Variants in NXN observed in about 807,000 individuals in gnomAD.
NXN encodes the protein nucleoredoxin 1.
NXN carries 16 observed loss-of-function variants against 48.6 expected under a neutral mutation model. That is an observed-to-expected ratio of 0.33 (90% CI 0.22 to 0.50). The LOEUF is 0.50. Among genes scored for constraint, NXN ranks in the 20% least tolerant of loss-of-function variants. The probability of loss-of-function intolerance (pLI) is 0.98; values close to 1 mark genes in which losing one functional copy is unlikely to be tolerated. For missense variants in NXN, 492 were observed against 605.5 expected (o/e 0.81, Z 1.97); for synonymous variants, 281 against 269.6 (o/e 1.04, Z -0.41).
intron 1 of NXN, among the ~76,000 whole-genome samples, chr17:832,430 C>T (rs976872583): frequency 1.3e-5 from 2 of 151,890 alleles, no homozygotes; most frequent in African/African-American, 4.8e-5. Flanking sequence ...TCGTGTCCGC[C>T]CGCCTTGGCC....
chr17:823,234 A>G (rs1912911985), intron 3 of NXN, among the ~76,000 whole-genome samples: 1 of 152,134 alleles, frequency 6.6e-6, no homozygotes, highest in South Asian at 2.1e-4. Context: ...CCCTGTCTCT[A>G]TTAAAAATAC....
At chr17:923,159 C>T (rs2068765394) in intron 1 of NXN, among the ~76,000 whole-genome samples, 1 of 151,902 alleles carries the variant, frequency 6.6e-6, no homozygotes, top group Admixed American at 6.6e-5. Flanking sequence ...ACCTGGACGG[C>T]GCGGTGGCTC....
chr17:870,353 G>A (rs1275799893), intron 1 of NXN, among the ~76,000 whole-genome samples: 2 of 152,172 alleles, frequency 1.3e-5, no homozygotes, highest in Non-Finnish European at 2.9e-5. Flanking sequence ...ACCGTGGGAC[G>A]TGGGTGATTC....
At chr17:817,537 T>TGGC (rs920780402) in intron 5 of NXN, among the ~76,000 whole-genome samples, 10 of 151,906 alleles carry the variant, frequency 6.6e-5, no homozygotes, top group Non-Finnish European at 1.0e-4. Context: ...GGGCGTGTGG[T>TGGC]GGGTGCCTGT....
At chr17:924,277 C>T (rs1347624949) in intron 1 of NXN, among the ~76,000 whole-genome samples, 3 of 152,140 alleles carry the variant, frequency 2.0e-5, no homozygotes, top group African/African-American at 7.2e-5. Flanking sequence ...GCTCTTATTG[C>T]CCAGGCTGGA....
rs1238667373 is a variant in NXN at position 800,275 on chromosome 17, G to T, written c.*674C>A. On this transcript the variant is annotated 3_prime_UTR_variant, in exon 8 of 8. Coordinates refer to ENST00000336868, the MANE Select transcript of NXN (RefSeq NM_022463.5). ...GACTCAGGGCTAAGTTTCTTGGGAA[G>T]ATGTCCAAAGAGAAGGATTCGTTAA... The T allele has an allele frequency of 3.3e-5, 5 of 152,302 alleles. No homozygotes were observed. Among genetic ancestry groups the T allele is most frequent in the South Asian group, 2.1e-4 (1 of 4,834 alleles). 9.4% of individuals were successfully genotyped at this position (152,302 alleles called of 1,614,324 possible). A position where few individuals can be genotyped will look rare whatever the true frequency, so the allele number is the denominator to read the frequency against.
intron 1 of NXN, among the ~76,000 whole-genome samples, chr17:968,886 G>A (rs1597286418): frequency 6.6e-6 from 1 of 151,684 alleles, no homozygotes; most frequent in African/African-American, 2.4e-5. Flanking sequence ...ACAGTGAGCT[G>A]AGATCGTACC....
intron 1 of NXN, 33 bp downstream of exon 1, chr17:979,286 C>CGGGCAGGGGTAACGGGCGTGGGGGGT: frequency 1.9e-6 from 2 of 1,054,904 alleles, no homozygotes; most frequent in Non-Finnish European, 2.3e-6. Context: ...GCGTGGGGGG[C>CGGGCAGGGGTAACGGGCGTGGGGGGT]GGGCAGGGGC....
intron 1 of NXN, among the ~76,000 whole-genome samples, chr17:894,953 C>G (rs973231944): frequency 3.4e-4 from 51 of 150,846 alleles, no homozygotes; most frequent in African/African-American, 1.2e-3. Flanking sequence ...CCTGGCTCTC[C>G]CTGATTGCCT....
At chr17:806,234 C>A (rs184916940) in intron 5 of NXN, among the ~76,000 whole-genome samples, 4 of 78,118 alleles carry the variant, frequency 5.1e-5, no homozygotes, top group Admixed American at 2.2e-4. Context: ...AGCACAACCC[C>A]CTCCCCAGGG....
intron 1 of NXN, among the ~76,000 whole-genome samples, chr17:831,397 G>A (rs1421794942): frequency 6.6e-6 from 1 of 152,058 alleles, no homozygotes; most frequent in Non-Finnish European, 1.5e-5. Context: ...GCACTGGGGA[G>A]GTGGGTCTTG....
At chr17:915,229 C>T (rs548695796) in intron 1 of NXN, among the ~76,000 whole-genome samples, 12 of 151,982 alleles carry the variant, frequency 7.9e-5, no homozygotes, top group South Asian at 4.2e-4. Context: ...CCACTGCACC[C>T]GGCCAGTTGA....
At position 963,424 on chromosome 17, in the gene NXN, G is replaced by T. The variant is rs115542041; in HGVS notation, c.360+15895C>A. Among the ~76,000 whole-genome samples the T allele has an allele frequency of 7.9e-3, 1,205 of 152,032 alleles. 13 individuals are homozygous for T. Among genetic ancestry groups the T allele is most frequent in the African/African-American group, 0.024 (980 of 41,482 alleles). On this transcript the variant is annotated intron_variant, in intron 1 of 7. Transcript: ENST00000336868. ...TCGAGACCAGCTTGGGCAAAATAGT[G>T]AAACCCTCCTCTACAAAAAATAAAA... is the stretch of plus-strand genomic sequence containing the variant.
At chr17:802,752 G>A (rs899864973) in intron 7 of NXN, among the ~76,000 whole-genome samples, 1 of 152,340 alleles carries the variant, frequency 6.6e-6, no homozygotes, top group South Asian at 2.1e-4. Flanking sequence ...CCAGGTGCTG[G>A]GCTGGGCAGG....
At chr17:821,666 G>A (rs187899553) in intron 4 of NXN, among the ~76,000 whole-genome samples, 656 of 27,932 alleles carry the variant, frequency 0.023, 188 homozygotes, top group Middle Eastern at 0.056. Flanking sequence ...CAGGAGAATG[G>A]CGTGAACCCG....
intron 1 of NXN, among the ~76,000 whole-genome samples, chr17:975,694 T>C (rs2069449808): frequency 6.6e-6 from 1 of 152,226 alleles, no homozygotes; most frequent in Non-Finnish European, 1.5e-5. Flanking sequence ...ACACTGACCA[T>C]ATGTTTTTGA....
intron 1 of NXN, among the ~76,000 whole-genome samples, chr17:940,497 T>C (rs1446267353): frequency 6.6e-6 from 1 of 152,200 alleles, no homozygotes; most frequent in African/African-American, 2.4e-5. Flanking sequence ...CTGTTAAAAA[T>C]CAATTCCACT....
In NXN at chr17:830,338, C is replaced by T. The variant is rs1185637081; in HGVS notation, c.361-4260G>A. Reference sequence around the variant, plus strand: ...GGCAGACAATAAACAAGAATATAAACAGGAAACTCATTTCAGACACCGAGA... The same window carrying T: ...GGCAGACAATAAACAAGAATATAAATAGGAAACTCATTTCAGACACCGAGA... On this transcript the variant is annotated intron_variant, in intron 1 of 7. Transcript: ENST00000336868. This position sits in a 1 kb window ranked among gnomAD's most constrained non-coding sequence, Gnocchi z 4.2. 2.0e-5 allele frequency among the ~76,000 whole-genome samples: 3 copies of T among 152,068 alleles called. No homozygotes were observed. The highest frequency in any genetic ancestry group is 6.6e-5 in the Admixed American group (1 of 15,252).
chr17:903,725 G>A (rs1274534959), intron 1 of NXN, among the ~76,000 whole-genome samples: 2 of 152,104 alleles, frequency 1.3e-5, no homozygotes, highest in African/African-American at 2.4e-5. Context: ...TAGTACCCAC[G>A]ACAACCCTTT....
Sources: gnomAD v4.1 joint callset for allele counts (sites outside exome capture counted in the v4.1 genomes callset) on GRCh38, gnomAD v4.1.1 for gene constraint, Gnocchi (gnomAD v3.1) non-coding constraint, MANE v1.5 for transcripts, NCBI Gene and HGNC (gene_info 2026-07-23, HGNC 2026-07-21) for gene names.